Variants in PLXNA4 observed in about 807,000 individuals in gnomAD.
PLXNA4 encodes plexin-A4.
PLXNA4 carries 44 observed loss-of-function variants against 191.8 expected under a neutral mutation model. That is an observed-to-expected ratio of 0.23 (90% CI 0.18 to 0.29). PLXNA4 has a LOEUF of 0.29. PLXNA4 is among the 10% of genes least tolerant of loss of function. PLXNA4 has a pLI of 1.00. For missense variants in PLXNA4, 1,800 were observed against 2,488.8 expected, an observed-to-expected ratio of 0.72 and a Z score of 5.89; for synonymous variants, 1,082 against 1,009.5, an observed-to-expected ratio of 1.07 and a Z score of -1.36.
intron 1 of PLXNA4, among the ~76,000 whole-genome samples, chr7:132,549,030 C>T (rs115034720): frequency 6.6e-6 from 1 of 152,150 alleles, no homozygotes; most frequent in East Asian, 1.9e-4. Flanking sequence ...AATGGAGGAA[C>T]CCTCAGTTCT....
intron 3 of PLXNA4, among the ~76,000 whole-genome samples, chr7:132,333,118 C>A (rs1376899884): frequency 6.6e-6 from 1 of 152,232 alleles, no homozygotes; most frequent in Non-Finnish European, 1.5e-5. Flanking sequence ...AAAGGACATT[C>A]CTGGTTTCTG....
chr7:132,363,564 G>A (rs1341273656), intron 3 of PLXNA4, among the ~76,000 whole-genome samples: 2 of 152,112 alleles, frequency 1.3e-5, no homozygotes, highest in African/African-American at 2.4e-5. Flanking sequence ...ATATTATATG[G>A]ATAGACCACA....
At chr7:132,579,942 T>C (rs1419914511), upstream of PLXNA4, among the ~76,000 whole-genome samples, 1 of 151,052 alleles carries the variant, frequency 6.6e-6, no homozygotes, top group East Asian at 1.9e-4. Flanking sequence ...TGGAATGGGG[T>C]GGGATGAGTA....
At chr7:132,592,417 G>A (rs949787738) in intron 2 of PLXNA4, among the ~76,000 whole-genome samples, 3 of 152,012 alleles carry the variant, frequency 2.0e-5, no homozygotes, top group Middle Eastern at 3.2e-3. Context: ...CTCATTAAAA[G>A]GACAAAGATA....
chr7:132,345,677 T>A (rs73723796), intron 3 of PLXNA4, among the ~76,000 whole-genome samples: 4,697 of 152,228 alleles, frequency 0.031, 123 homozygotes, highest in African/African-American at 0.08. Context: ...CAGACTACAT[T>A]ATGCTCCTGG....
At chr7:132,575,930 T>C (rs1802204821) in intron 1 of PLXNA4, among the ~76,000 whole-genome samples, 1 of 152,052 alleles carries the variant, frequency 6.6e-6, no homozygotes, top group African/African-American at 2.4e-5. Context: ...CGTCCGAATA[T>C]CTGTGGGTCT....
At chr7:132,453,372 G>A (rs978769584) in intron 3 of PLXNA4, among the ~76,000 whole-genome samples, 1 of 152,088 alleles carries the variant, frequency 6.6e-6, no homozygotes, top group African/African-American at 2.4e-5. Context: ...GCATCACTCA[G>A]CCCTTGTGAG....
intron 3 of PLXNA4, among the ~76,000 whole-genome samples, chr7:132,413,563 G>A (rs1794544719): frequency 6.6e-6 from 1 of 150,572 alleles, no homozygotes; most frequent in South Asian, 2.1e-4. Flanking sequence ...ACCCAACTCA[G>A]AGCAAAACAC....
intron 4 of PLXNA4, among the ~76,000 whole-genome samples, chr7:132,294,303 G>A (rs1295100440): frequency 6.6e-6 from 1 of 152,188 alleles, no homozygotes; most frequent in Non-Finnish European, 1.5e-5. Flanking sequence ...GCATCACAGA[G>A]GACATTTCTG....
chr7:132,161,728 T>A (rs532147745), intron 24 of PLXNA4, among the ~76,000 whole-genome samples: 1 of 151,494 alleles, frequency 6.6e-6, no homozygotes, highest in Non-Finnish European at 1.5e-5. Context: ...CACCTAGCGC[T>A]CTGGCAGGCT....
chr7:132,164,880 A>G (rs905238816), intron 23 of PLXNA4, among the ~76,000 whole-genome samples: 1 of 152,214 alleles, frequency 6.6e-6, no homozygotes, highest in African/African-American at 2.4e-5. Flanking sequence ...GGGACCATGC[A>G]GGGCCTCTCA....
intron 5 of PLXNA4, among the ~76,000 whole-genome samples, chr7:132,238,091 T>A (rs1330351929): frequency 6.6e-6 from 1 of 152,158 alleles, no homozygotes; most frequent in Non-Finnish European, 1.5e-5. Flanking sequence ...TGATCCTGAG[T>A]GCAAGAAGGC....
chr7:132,192,485 AAAGGAAGC>A (rs1176312444), intron 14 of PLXNA4, among the ~76,000 whole-genome samples: 2 of 151,196 alleles, frequency 1.3e-5, no homozygotes, highest in Non-Finnish European at 3.0e-5. Context: ...AGGGAGGGAG[AAAGGAAGC>A]AAGGAAGGAA....
chr7:132,499,653 G>T (rs538448458), intron 2 of PLXNA4, among the ~76,000 whole-genome samples: 71 of 152,300 alleles, frequency 4.7e-4, no homozygotes, highest in Non-Finnish European at 8.2e-4. Flanking sequence ...TCTGGTGGGT[G>T]CTGGGAAGCA....
At chr7:132,305,714 A>G (rs976513345) in intron 3 of PLXNA4, among the ~76,000 whole-genome samples, 1 of 152,192 alleles carries the variant, frequency 6.6e-6, no homozygotes. Flanking sequence ...GGATTGAACA[A>G]TAAATATAGT....
intron 4 of PLXNA4, among the ~76,000 whole-genome samples, chr7:132,294,479 A>G (rs1379349566): frequency 2.0e-5 from 3 of 152,208 alleles, no homozygotes; most frequent in Non-Finnish European, 4.4e-5. Context: ...CGGAGGAATG[A>G]CACTATCTAA....
chr7:132,247,564 C>A (rs575098756), intron 4 of PLXNA4, among the ~76,000 whole-genome samples: 183 of 152,306 alleles, frequency 1.2e-3, no homozygotes, highest in African/African-American at 3.9e-3. Flanking sequence ...AAAAGTAAGT[C>A]CTTTTCTGGC....
intron 1 of PLXNA4, among the ~76,000 whole-genome samples, chr7:132,541,227 T>G (rs1473813065): frequency 3.9e-5 from 6 of 152,154 alleles, no homozygotes; most frequent in Non-Finnish European, 1.5e-5. Flanking sequence ...ATAGCCCCTT[T>G]CCCTAGAGAC....
chr7:132,299,271 A>G (rs969133390), intron 3 of PLXNA4, among the ~76,000 whole-genome samples: 2 of 152,254 alleles, frequency 1.3e-5, no homozygotes, highest in Non-Finnish European at 2.9e-5. Flanking sequence ...CAATAAAACT[A>G]AAGAAAAAAA....
Sources: gnomAD v4.1 joint callset for allele counts (sites outside exome capture counted in the v4.1 genomes callset) on GRCh38, gnomAD v4.1.1 for gene constraint, MANE v1.5 for transcripts, NCBI Gene and HGNC (gene_info 2026-07-23, HGNC 2026-07-21) for gene names.